RBFOX1: variants seen among roughly 807,000 people sequenced by gnomAD.
RBFOX1 encodes RNA binding protein fox-1 homolog 1.
RBFOX1 carries 8 observed loss-of-function variants against 57.7 expected under a neutral mutation model. That is an observed-to-expected ratio of 0.14 (90% confidence interval 0.08 to 0.25). The LOEUF is 0.25. Among genes scored for constraint, RBFOX1 ranks in the 10% least tolerant of loss-of-function variants. The pLI is 1.00. For synonymous variants in RBFOX1, 326 were observed against 222.4 expected (o/e 1.47, Z -4.15); for missense variants, 611 against 548.5 (o/e 1.11, Z -1.14).
chr16:5,440,409 T>A (rs1432325509), intron 1 of RBFOX1, among the ~76,000 whole-genome samples: 4 of 152,258 alleles, frequency 2.6e-5, no homozygotes, highest in African/African-American at 9.6e-5. Flanking sequence ...CTATGGGTTA[T>A]CTTTTGTTTT....
At chr16:7,692,831 A>G (rs1206325333) in intron 14 of RBFOX1, among the ~76,000 whole-genome samples, 1 of 152,118 alleles carries the variant, frequency 6.6e-6, no homozygotes, top group East Asian at 1.9e-4. Flanking sequence ...TGAGGAAATT[A>G]TTATCCATAA....
chr16:7,401,200 C>A (rs565077545), intron 4 of RBFOX1, among the ~76,000 whole-genome samples: 1 of 152,312 alleles, frequency 6.6e-6, no homozygotes, highest in South Asian at 2.1e-4. Flanking sequence ...TATTTTTCAT[C>A]ACACAGTAGT....
intron 4 of RBFOX1, among the ~76,000 whole-genome samples, chr16:7,424,505 C>T (rs2098588116): frequency 6.6e-6 from 1 of 152,182 alleles, no homozygotes. Flanking sequence ...TGTGATCCAC[C>T]CACCTCGGCT....
intron 3 of RBFOX1, among the ~76,000 whole-genome samples, chr16:7,048,294 C>G (rs112623715): frequency 7.9e-5 from 12 of 151,850 alleles, no homozygotes; most frequent in African/African-American, 2.4e-4. Context: ...GAGTCTTGCT[C>G]TGTCTCCCAG....
intron 3 of RBFOX1, among the ~76,000 whole-genome samples, chr16:5,683,763 T>C (rs2050418191): frequency 6.7e-6 from 1 of 148,304 alleles, no homozygotes; most frequent in Non-Finnish European, 1.5e-5. Flanking sequence ...ATATAATATA[T>C]AATATATATA....
rs954866836 is a variant in RBFOX1 at position 6,246,747 on chromosome 16, C to T, written c.-126-70248C>T. ...GAGCGTTTGTCCAGGCTGGTGCTGCCGCGGTCTCTATCTTGTTTCCTAAAC... is the reference window on the plus strand; with the variant it reads ...GAGCGTTTGTCCAGGCTGGTGCTGCTGCGGTCTCTATCTTGTTTCCTAAAC... On this transcript the variant is annotated intron_variant, in intron 1 of 15. Coordinates refer to ENST00000550418, the MANE Select transcript of RBFOX1 (RefSeq NM_018723.4). 9.9e-5 allele frequency among the ~76,000 whole-genome samples: 15 copies of T among 152,126 alleles called. No individual in the cohort carries two copies. The East Asian group carries it at 1.4e-3, about 14-fold the overall frequency.
intron 4 of RBFOX1, among the ~76,000 whole-genome samples, chr16:7,269,803 G>T (rs1400712475): frequency 6.6e-6 from 1 of 152,178 alleles, no homozygotes; most frequent in Non-Finnish European, 1.5e-5. Flanking sequence ...CGGAAGATAT[G>T]AGCATCTTTA....
intron 4 of RBFOX1, among the ~76,000 whole-genome samples, chr16:7,393,252 A>G (rs1420512299): frequency 1.3e-5 from 2 of 152,166 alleles, no homozygotes; most frequent in African/African-American, 2.4e-5. Flanking sequence ...TGGAAGAGCT[A>G]TGGCCCATGC....
chr16:5,423,423 C>G (rs78888884), intron 1 of RBFOX1, among the ~76,000 whole-genome samples: 1 of 152,188 alleles, frequency 6.6e-6, no homozygotes, highest in East Asian at 1.9e-4. Flanking sequence ...TGTTCGATCA[C>G]CACAGAATAA....
At chr16:7,331,724 A>G (rs1195132993) in intron 4 of RBFOX1, among the ~76,000 whole-genome samples, 1 of 152,160 alleles carries the variant, frequency 6.6e-6, no homozygotes, top group Admixed American at 6.6e-5. Context: ...GGGTTCAGAG[A>G]GGCTAAGTAA....
intron 1 of RBFOX1, among the ~76,000 whole-genome samples, chr16:5,364,674 C>T (rs1039821669): frequency 6.6e-6 from 1 of 152,326 alleles, no homozygotes. Context: ...ACACGCATCT[C>T]GGAAAACCCT....
intron 3 of RBFOX1, among the ~76,000 whole-genome samples, chr16:6,717,166 T>C (rs2064997631): frequency 6.6e-6 from 1 of 152,024 alleles, no homozygotes; most frequent in Admixed American, 6.5e-5. Flanking sequence ...AGATGCACGG[T>C]CTATGGTATT....
intron 2 of RBFOX1, among the ~76,000 whole-genome samples, chr16:6,366,097 G>A (rs2089562670): frequency 6.6e-6 from 1 of 151,312 alleles, no homozygotes; most frequent in Non-Finnish European, 1.5e-5. Context: ...GTGTGTGTGT[G>A]TGTGTGTGTG....
chr16:6,660,742 G>A (rs976692460), intron 3 of RBFOX1, among the ~76,000 whole-genome samples: 8 of 149,810 alleles, frequency 5.3e-5, no homozygotes, highest in Admixed American at 2.7e-4. Flanking sequence ...ATAAGAACTG[G>A]ATTAACTGTA....
At chr16:6,054,222 T>C (rs1265785953) in intron 1 of RBFOX1, among the ~76,000 whole-genome samples, 1 of 152,174 alleles carries the variant, frequency 6.6e-6, no homozygotes, top group African/African-American at 2.4e-5. Context: ...CTCTGCTTAT[T>C]AGGAAACATA....
chr16:6,765,682 T>G (rs1567157277), intron 3 of RBFOX1, among the ~76,000 whole-genome samples: 1 of 152,166 alleles, frequency 6.6e-6, no homozygotes, highest in Non-Finnish European at 1.5e-5. Context: ...GATGCCTGCT[T>G]GCATATATTT....
chr16:6,956,710 C>G lies in RBFOX1; in HGVS notation c.-15-95347C>G, dbSNP rs111485225. On this transcript the variant is annotated intron_variant, in intron 3 of 15. Transcript: ENST00000550418. ...CAAAGGCATTTGCTCTGCTTAATGCCTTTAGAAAACAATTTAATATCATCT... is the reference window on the plus strand; with the variant it reads ...CAAAGGCATTTGCTCTGCTTAATGCGTTTAGAAAACAATTTAATATCATCT... Among the ~76,000 whole-genome samples, 203 of 152,250 alleles carry G rather than the reference C, an allele frequency of 1.3e-3. 1 individual carries two copies. Among genetic ancestry groups the G allele is most frequent in the African/African-American group, 4.5e-3 (187 of 41,534 alleles).
chr16:7,640,082 T>A (rs1181950017), intron 11 of RBFOX1, among the ~76,000 whole-genome samples: 2 of 152,228 alleles, frequency 1.3e-5, no homozygotes, highest in Non-Finnish European at 2.9e-5. Flanking sequence ...TGATATTAAC[T>A]TAGTTATTCC....
rs142617014 is a variant in RBFOX1, at chr16:7,591,516, G to A, written c.469-4033G>A. ...AAGAGGATCAGAATGTATGATTTGCGAAAATATTTTAAAGTAAGCAAGTCA... is the reference window on the plus strand; with the variant it reads ...AAGAGGATCAGAATGTATGATTTGCAAAAATATTTTAAAGTAAGCAAGTCA... On this transcript the variant is annotated intron_variant, in intron 7 of 15. Transcript: ENST00000550418. Among the ~76,000 whole-genome samples, 394 of 152,298 alleles carry A rather than the reference G, an allele frequency of 2.6e-3. 2 individuals carry two copies. Among genetic ancestry groups the A allele is most frequent in the African/African-American group, 8.8e-3 (366 of 41,564 alleles).
Sources: gnomAD v4.1 joint callset for allele counts (sites outside exome capture counted in the v4.1 genomes callset) on GRCh38, gnomAD v4.1.1 for gene constraint, MANE v1.5 for transcripts, NCBI Gene and HGNC (gene_info 2026-07-23, HGNC 2026-07-21) for gene names.